The following CPM variants were observed in gnomAD, a reference collection of about 807,000 sequenced individuals.
CPM encodes carboxypeptidase M, also known as renal carboxypeptidase.
CPM carries 35 observed loss-of-function variants against 46.4 expected under a neutral mutation model. The observed-to-expected ratio is 0.75, with a 90% CI of 0.58 to 1.00. The LOEUF (loss-of-function observed/expected upper bound fraction) is 1.00. CPM is among the 50% of genes least tolerant of loss of function. CPM has a pLI of 0.00. For synonymous variants in CPM, 195 were observed against 195.3 expected, an observed-to-expected ratio of 1.00 and a Z score of 0.01; for missense variants, 422 against 530.4, an observed-to-expected ratio of 0.80 and a Z score of 2.01.
At chr12:68,926,714 C>T (rs1380518659) in intron 2 of CPM, among the ~76,000 whole-genome samples, 1 of 152,008 alleles carries the variant, frequency 6.6e-6, no homozygotes, top group Non-Finnish European at 1.5e-5. Context: ...CCTCCCCGCT[C>T]CCCCAACCCC....
downstream of CPM, chr12:68,847,743 G>C (rs1308714214): frequency 6.6e-6 from 1 of 151,754 alleles, no homozygotes; most frequent in Non-Finnish European, 1.5e-5. Context: ...GTGAGCCACC[G>C]CGCCCAGCCG....
At chr12:68,886,750 G>A (rs1461393608) in intron 2 of CPM, among the ~76,000 whole-genome samples, 2 of 152,196 alleles carry the variant, frequency 1.3e-5, no homozygotes, top group East Asian at 3.8e-4. Flanking sequence ...CCCCTTGGGA[G>A]CATCCTTGAT....
intron 5 of CPM, chr12:68,845,368 T>A: frequency 4.7e-6 from 1 of 211,738 alleles, no homozygotes. Context: ...TGGAAGGTGT[T>A]CAGAAGTAAC....
intron 2 of CPM, among the ~76,000 whole-genome samples, chr12:68,898,851 T>C (rs1334276187): frequency 8.5e-5 from 13 of 152,334 alleles, no homozygotes; most frequent in African/African-American, 2.9e-4. Flanking sequence ...TTAACGGTAC[T>C]TACCCTCATG....
intron 7 of CPM, among the ~76,000 whole-genome samples, chr12:68,864,338 G>C (rs1337083372): frequency 6.6e-6 from 1 of 152,138 alleles, no homozygotes; most frequent in Non-Finnish European, 1.5e-5. Context: ...AGCAAATTGG[G>C]AGGCTGAGTG....
Position 68,853,961 on chromosome 12 carries a change from A to C in CPM, c.*2476T>G. On this transcript the variant is annotated 3_prime_UTR_variant, in exon 9 of 9. Coordinates refer to ENST00000551568, the MANE Select transcript of CPM (RefSeq NM_198320.5). ...ATAGGTAACGGTCTAATACAGGGTA[A>C]CTCTCATAGTGGAGAACTTGAGAAG... 6.6e-6 allele frequency: 1 copy of C among 152,024 alleles called. No individual in the cohort carries two copies. The highest frequency in any genetic ancestry group is 1.5e-5 in the Non-Finnish European group (1 of 67,988). 9.4% of individuals were successfully genotyped at this position (152,024 alleles called of 1,614,324 possible).
intron 7 of CPM, among the ~76,000 whole-genome samples, chr12:68,861,322 A>G (rs867373173): frequency 3.3e-5 from 5 of 152,146 alleles, no homozygotes; most frequent in African/African-American, 1.2e-4. Flanking sequence ...AGCTATGCAT[A>G]TTATTTCCTT....
intron 3 of CPM, among the ~76,000 whole-genome samples, chr12:68,880,225 C>T (rs996987293): frequency 1.3e-5 from 2 of 152,066 alleles, no homozygotes; most frequent in Non-Finnish European, 2.9e-5. Flanking sequence ...AATGTGTGTG[C>T]CTGGATGAAC....
At chr12:68,883,369 T>C (rs1886280724) in intron 3 of CPM, among the ~76,000 whole-genome samples, 2 of 152,216 alleles carry the variant, frequency 1.3e-5, no homozygotes, top group African/African-American at 2.4e-5. Flanking sequence ...CTTCAGCTCC[T>C]AGCGGCATGG....
At chr12:68,893,521 G>A (rs554860075) in intron 2 of CPM, among the ~76,000 whole-genome samples, 15 of 152,316 alleles carry the variant, frequency 9.8e-5, no homozygotes, top group Non-Finnish European at 1.8e-4. Context: ...TGTCCCAGGG[G>A]TCTTGTGCTG....
At chr12:68,879,441 G>C (rs1156647983) in intron 3 of CPM, among the ~76,000 whole-genome samples, 1 of 152,086 alleles carries the variant, frequency 6.6e-6, no homozygotes, top group Non-Finnish European at 1.5e-5. Context: ...ATGGCTCACT[G>C]CAGCCTCGAC....
chr12:68,882,024 CTTTT>C (rs60522842), intron 3 of CPM, among the ~76,000 whole-genome samples: 63 of 124,766 alleles, frequency 5.0e-4, no homozygotes, highest in African/African-American at 1.8e-3. Flanking sequence ...GCCCGGCCTG[CTTTT>C]TTTTTTTTTT....
At chr12:68,897,352 C>A (rs1886916439) in intron 2 of CPM, among the ~76,000 whole-genome samples, 1 of 150,962 alleles carries the variant, frequency 6.6e-6, no homozygotes. Flanking sequence ...GGACCTCATA[C>A]TATAAAAAGC....
intron 2 of CPM, among the ~76,000 whole-genome samples, chr12:68,903,034 G>T (rs1356225975): frequency 6.6e-6 from 1 of 152,308 alleles, no homozygotes; most frequent in Middle Eastern, 3.4e-3. Context: ...TCTGGAAGTT[G>T]TAAGTTTATT....
intron 8 of CPM, among the ~76,000 whole-genome samples, 199 bp downstream of exon 8, chr12:68,858,721 TGAA>T (rs1410475515): frequency 2.1e-5 from 3 of 142,508 alleles, no homozygotes; most frequent in Non-Finnish European, 4.5e-5. Context: ...GGAAAAAATA[TGAA>T]TTTTTGTGGT....
At chr12:68,875,017 T>G (rs116203893) in intron 3 of CPM, among the ~76,000 whole-genome samples, 2,108 of 152,250 alleles carry the variant, frequency 0.014, 54 homozygotes, top group African/African-American at 0.049. Flanking sequence ...AGATACAGAA[T>G]TAGATTAAGC....
chr12:68,925,523 A>G (rs1888223013), intron 2 of CPM, among the ~76,000 whole-genome samples: 1 of 152,246 alleles, frequency 6.6e-6, no homozygotes, highest in Admixed American at 6.5e-5. Flanking sequence ...AGTGGGGCAT[A>G]AGTTAAACAA....
At chr12:68,958,434 C>T (rs1199493551) in intron 1 of CPM, among the ~76,000 whole-genome samples, 1 of 152,110 alleles carries the variant, frequency 6.6e-6, no homozygotes, top group Non-Finnish European at 1.5e-5. Context: ...GTCCCCTCCA[C>T]CCCCAGCTTT....
At position 68,852,256 on chromosome 12, in the gene CPM, C is replaced by CT. The variant is rs1460230109; in HGVS notation, c.*4180dup. 6.6e-6 allele frequency: 1 copy of CT among 152,230 alleles called. No homozygotes were observed. Among genetic ancestry groups the CT allele is most frequent in the Non-Finnish European group, 1.5e-5 (1 of 68,046 alleles). The allele number at this position is 152,230 out of a possible 1,614,324, so 9.4% of individuals were successfully genotyped here. A position where few individuals can be genotyped will look rare whatever the true frequency, so the allele number is the denominator to read the frequency against. On this transcript the variant is annotated 3_prime_UTR_variant, in exon 9 of 9. Transcript: ENST00000551568. Reference sequence around the variant, plus strand: ...CAACACTGTCATTTATCTGCAGGGACTTAATGTTTTTCTAAAATACTCTTT... The same window carrying CT: ...CAACACTGTCATTTATCTGCAGGGACTTTAATGTTTTTCTAAAATACTCTTT...
Sources: gnomAD v4.1 joint callset for allele counts (sites outside exome capture counted in the v4.1 genomes callset) on GRCh38, gnomAD v4.1.1 for gene constraint, MANE v1.5 for transcripts, NCBI Gene and HGNC (gene_info 2026-07-23, HGNC 2026-07-21) for gene names.